PLCB1: variants seen among roughly 807,000 people sequenced by gnomAD.
The protein encoded by PLCB1 is phospholipase C beta 1.
Under a neutral mutation model 161.8 loss-of-function variants are expected in PLCB1, and 46 were observed. That is an observed-to-expected ratio of 0.28 (90% CI 0.22 to 0.36). The LOEUF (loss-of-function observed/expected upper bound fraction) is 0.36. Ranked by LOEUF, PLCB1 falls within the 10% of genes least tolerant of loss-of-function variation. The probability of loss-of-function intolerance (pLI) is 1.00; values close to 1 mark genes in which losing one functional copy is unlikely to be tolerated. For missense variants in PLCB1, 1,016 were observed against 1,472.5 expected (o/e 0.69, Z 5.07); for synonymous variants, 517 against 503.7 (o/e 1.03, Z -0.35).
At chr20:8,874,000 A>G (rs1451977881) in intron 31 of PLCB1, among the ~76,000 whole-genome samples, 1 of 152,048 alleles carries the variant, frequency 6.6e-6, no homozygotes, top group African/African-American at 2.4e-5. Context: ...ACTATAAGGA[A>G]TTAAATTTTA....
chr20:8,807,590 A>ATAGT (rs896649002), intron 31 of PLCB1, among the ~76,000 whole-genome samples: 3 of 152,032 alleles, frequency 2.0e-5, no homozygotes, highest in African/African-American at 7.2e-5. Flanking sequence ...AATTCAACCA[A>ATAGT]TAGTTATTAA....
chr20:8,665,898 T>A (rs8125050), intron 9 of PLCB1, among the ~76,000 whole-genome samples: 12,117 of 152,144 alleles, frequency 0.08, 664 homozygotes, highest in East Asian at 0.17. Context: ...AGCTTCAGGT[T>A]CTTCATCTGT....
At chr20:8,239,737 G>T (rs1424980834) in intron 2 of PLCB1, among the ~76,000 whole-genome samples, 2 of 151,886 alleles carry the variant, frequency 1.3e-5, no homozygotes, top group South Asian at 4.2e-4. Context: ...TAAACACAAA[G>T]AATAGCATTT....
intron 3 of PLCB1, among the ~76,000 whole-genome samples, chr20:8,625,008 C>T (rs1029769821): frequency 3.9e-5 from 6 of 152,120 alleles, no homozygotes; most frequent in Non-Finnish European, 7.4e-5. Flanking sequence ...AATACTCAGA[C>T]ATAAAGCTCC....
intron 2 of PLCB1, among the ~76,000 whole-genome samples, chr20:8,210,888 C>T (rs1473998526): frequency 2.0e-5 from 3 of 152,102 alleles, no homozygotes; most frequent in East Asian, 3.9e-4. Context: ...AGGCACAAGG[C>T]TTGGTGATGT....
At chr20:8,303,257 A>G (rs1212174230) in intron 2 of PLCB1, among the ~76,000 whole-genome samples, 1 of 152,192 alleles carries the variant, frequency 6.6e-6, no homozygotes, top group African/African-American at 2.4e-5. Flanking sequence ...TTCAACGTAA[A>G]GGTCATGATT....
intron 16 of PLCB1, among the ~76,000 whole-genome samples, chr20:8,725,070 G>A (rs780856929): frequency 3.3e-5 from 5 of 152,080 alleles, no homozygotes; most frequent in Non-Finnish European, 5.9e-5. Context: ...TTTGCTTTTT[G>A]TTCGCAACAC....
intron 3 of PLCB1, among the ~76,000 whole-genome samples, chr20:8,421,809 G>T (rs938816618): frequency 6.6e-6 from 1 of 152,286 alleles, no homozygotes; most frequent in African/African-American, 2.4e-5. Flanking sequence ...CCAGTTCTCA[G>T]GTCCAGTCTT....
At chr20:8,189,324 A>AATAT (rs60983684) in intron 2 of PLCB1, among the ~76,000 whole-genome samples, 256 of 145,220 alleles carry the variant, frequency 1.8e-3, no homozygotes, top group African/African-American at 5.9e-3. Context: ...TAACTATTTT[A>AATAT]ATATATATAT....
At chr20:8,240,177 A>C (rs1055012553) in intron 2 of PLCB1, among the ~76,000 whole-genome samples, 11 of 151,718 alleles carry the variant, frequency 7.3e-5, no homozygotes. Flanking sequence ...AGCTGTGTGA[A>C]TGAGGTCAGT....
intron 3 of PLCB1, among the ~76,000 whole-genome samples, chr20:8,537,581 C>T (rs1985104943): frequency 6.6e-6 from 1 of 152,124 alleles, no homozygotes; most frequent in Non-Finnish European, 1.5e-5. Flanking sequence ...GGAGCCCTTT[C>T]CTGCCCCGCT....
chr20:8,172,280 C>A (rs1173532620), intron 2 of PLCB1, among the ~76,000 whole-genome samples: 1 of 152,074 alleles, frequency 6.6e-6, no homozygotes, highest in Non-Finnish European at 1.5e-5. Flanking sequence ...AACTGTTTTA[C>A]ATAGGTACTC....
intron 2 of PLCB1, among the ~76,000 whole-genome samples, chr20:8,282,787 CCTA>C (rs1982934046): frequency 6.6e-6 from 1 of 151,776 alleles, no homozygotes; most frequent in Admixed American, 6.6e-5. Context: ...TAATTAAACT[CCTA>C]CTTCTTTTTC....
chr20:8,162,795 T>C (rs1411856942), intron 2 of PLCB1, among the ~76,000 whole-genome samples: 1 of 152,240 alleles, frequency 6.6e-6, no homozygotes, highest in East Asian at 1.9e-4. Context: ...AACTAATGAC[T>C]GTGCTGGTAT....
chr20:8,460,306 G>C lies in PLCB1; in HGVS notation c.246+88856G>C, dbSNP rs1334244873. On this transcript the variant is annotated intron_variant, in intron 3 of 31. Transcript: ENST00000338037. ...TCATCTAAGAGCTGGGAAGCCATCC[G>C]CTTATACCTGGCTTAGAATATCATT... Among the ~76,000 whole-genome samples, 2 of 152,060 alleles carry C rather than the reference G, an allele frequency of 1.3e-5. 1 individual carries two copies. The highest frequency in any genetic ancestry group is 4.8e-5 in the African/African-American group (2 of 41,404).
intron 2 of PLCB1, among the ~76,000 whole-genome samples, chr20:8,339,879 G>A (rs1021034411): frequency 6.6e-6 from 1 of 152,176 alleles, no homozygotes; most frequent in Admixed American, 6.5e-5. Context: ...CAAGATGGGA[G>A]GATCGCTTGA....
chr20:8,534,909 A>G (rs1041284413), intron 3 of PLCB1, among the ~76,000 whole-genome samples: 3 of 152,034 alleles, frequency 2.0e-5, no homozygotes, highest in African/African-American at 7.2e-5. Flanking sequence ...CAGTTTCCTT[A>G]TATCAGCAAA....
At position 8,683,281 on chromosome 20, in the gene PLCB1, GAA is replaced by G. The variant is rs1364918595; in HGVS notation, c.863-1648_863-1647del. Among the ~76,000 whole-genome samples, 8 of 151,940 alleles carry G rather than the reference GAA, an allele frequency of 5.3e-5. No homozygotes were observed. In the East Asian group the frequency reaches 9.7e-4, roughly 18 times the overall value. On this transcript the variant is annotated intron_variant, in intron 9 of 31. Transcript: ENST00000338037. ...GTTTTAGCAGTAGTTATCTCTGAAA[GAA>G]AAGTTAGGGATGTTCAAAACAAGTT...
At chr20:8,454,759 A>T (rs904562964) in intron 3 of PLCB1, among the ~76,000 whole-genome samples, 1 of 152,154 alleles carries the variant, frequency 6.6e-6, no homozygotes, top group African/African-American at 2.4e-5. Flanking sequence ...GCAGCCTTTT[A>T]AAAATTGCAT....
Sources: gnomAD v4.1 joint callset for allele counts (sites outside exome capture counted in the v4.1 genomes callset) on GRCh38, gnomAD v4.1.1 for gene constraint, MANE v1.5 for transcripts, NCBI Gene and HGNC (gene_info 2026-07-23, HGNC 2026-07-21) for gene names.